Variants in ITPR3 observed in about 807,000 individuals in gnomAD.
The protein encoded by ITPR3 is inositol 1,4,5-trisphosphate-gated calcium channel ITPR3.
In ITPR3, 173 loss-of-function variants were observed where a neutral mutation model predicts 293.2. The ratio of observed to expected loss-of-function variants is 0.59; its 90% CI spans 0.52 to 0.67. ITPR3 has a LOEUF of 0.67. Among genes scored for constraint, ITPR3 ranks in the 30% least tolerant of loss-of-function variants. ITPR3 has a pLI of 0.00. For missense variants in ITPR3, 2,796 were observed against 3,592.1 expected (o/e 0.78, Z 5.66); for synonymous variants, 1,295 against 1,444.4 (o/e 0.90, Z 2.35).
At position 33,672,041 on chromosome 6, in the gene ITPR3, G is replaced by C. The variant is rs751348664; in HGVS notation, c.2741G>C (p.Arg914Pro). Reference sequence around the variant, plus strand: ...TCCCCCTCCACAGGCAAGAATGTGCGGCGGTCCATCCAGGGCGTGGGGCAC... The same window carrying C: ...TCCCCCTCCACAGGCAAGAATGTGCCGCGGTCCATCCAGGGCGTGGGGCAC... ...AYEDPGGKNV[R>P]RSIQGVGHMM... Residue 914 changes from arginine (R) to proline (P), a missense_variant, in exon 22 of 58, where the codon CGG (arginine) becomes CCG (proline). By Grantham distance (103) the Arg-to-Pro change is moderately radical. Coordinates refer to ENST00000605930, the MANE Select transcript of ITPR3 (RefSeq NM_002224.4). The surrounding 1 kb of genome is among the most constrained non-coding windows in gnomAD (Gnocchi z 5.0). 5.6e-6 allele frequency: 9 copies of C among 1,604,488 alleles called. No homozygotes were observed. In the South Asian group the frequency reaches 1.0e-4, roughly 18 times the overall value.
At position 33,688,812 on chromosome 6, in the gene ITPR3, C is replaced by T. The variant is rs772096646; in HGVS notation, c.6694+31C>T. 5 of 1,613,768 alleles carry T rather than the reference C, an allele frequency of 3.1e-6. No homozygotes were observed. In the Admixed American group the frequency reaches 6.7e-5, roughly 22 times the overall value. ...AACACAGGGCTGGCCGGCAGGTTCC[C>T]CGGGCCCTGCCATGCTTCCTCCCTG... On this transcript the variant is annotated intron_variant, in intron 49 of 57. Coordinates refer to ENST00000605930, the MANE Select transcript of ITPR3 (RefSeq NM_002224.4).
At chr6:33,668,441 G>A in intron 16 of ITPR3, 74 bp from the exon 17 acceptor site, 1 of 1,593,956 alleles carries the variant, frequency 6.3e-7, no homozygotes. Context: ...CTGGGGAAGG[G>A]GAAGGGTGGG....
At chr6:33,646,565 G>C (rs752048434) in intron 2 of ITPR3, among the ~76,000 whole-genome samples, 6 of 151,874 alleles carry the variant, frequency 4.0e-5, no homozygotes, top group Non-Finnish European at 7.4e-5. Flanking sequence ...GACCCTTCTG[G>C]AGATCTTTCT....
At chr6:33,671,143 C>T in intron 20 of ITPR3, 22 bp from the exon 21 acceptor site, 1 of 1,612,670 alleles carries the variant, frequency 6.2e-7, no homozygotes. Flanking sequence ...CCCACCTCAC[C>T]TCGGCCACGC....
At chr6:33,629,482 CTTTTT>C (rs571746597) in intron 1 of ITPR3, among the ~76,000 whole-genome samples, 1 of 138,700 alleles carries the variant, frequency 7.2e-6, no homozygotes, top group Non-Finnish European at 1.6e-5. Flanking sequence ...CCATTGGTTT[CTTTTT>C]TTTTTTTTTT....
At chr6:33,694,811 G>A (rs1168458232) in intron 56 of ITPR3, 113 bp from the exon 57 acceptor site, 31 of 1,321,596 alleles carry the variant, frequency 2.3e-5, no homozygotes, top group South Asian at 1.5e-4. Context: ...CATCCCTGAC[G>A]AGTAGTTTTG....
chr6:33,658,750 G>C lies in ITPR3; in HGVS notation c.450G>C (p.Val150=). The C allele has an allele frequency of 6.2e-7, 1 of 1,614,202 alleles. No homozygotes were observed. The highest frequency in any genetic ancestry group is 1.3e-5 in the African/African-American group (1 of 75,062). Residue 150 remains valine, a synonymous_variant, in exon 5 of 58, where the codon GTG becomes GTC. Transcript: ENST00000605930. This position sits in a 1 kb window ranked among gnomAD's most constrained non-coding sequence, Gnocchi z 6.1. ...PALLEKNAMR[V]TLDATGNEGS... The stretch of plus-strand genomic sequence containing the variant: ...TGCTGGAGAAGAACGCCATGCGGGT[G>C]ACTCTGGATGCCACAGGCAACGAGG...
At chr6:33,685,254 C>A in intron 39 of ITPR3, 105 bp from the exon 40 acceptor site, 2 of 1,164,014 alleles carry the variant, frequency 1.7e-6, no homozygotes, top group East Asian at 2.4e-5. Flanking sequence ...GCAGCCAGGC[C>A]CCTGCAGCCC....
At position 33,686,040 on chromosome 6, in the gene ITPR3, C is replaced by G. The variant is rs964972356; in HGVS notation, c.5668-13C>G. ...TGTAGCTGTGCTGTGCCCAACCCTT[C>G]TGTGCCCCGCAGAACTTCCTGCGCT... On this transcript the variant is annotated splice_polypyrimidine_tract_variant and intron_variant, in intron 41 of 57. Coordinates refer to ENST00000605930, the MANE Select transcript of ITPR3 (RefSeq NM_002224.4). 1.2e-5 allele frequency: 19 copies of G among 1,613,760 alleles called. No individual in the cohort carries two copies. The highest frequency in any genetic ancestry group is 1.5e-5 in the Non-Finnish European group (18 of 1,179,956).
In ITPR3 at chr6:33,691,028, C is replaced by T; in HGVS notation, c.7144C>T (p.Leu2382Phe). Residue 2382 changes from leucine to phenylalanine, a missense_variant, in exon 52 of 58, where the codon CTC becomes TTC. By Grantham distance (22) the Leu-to-Phe change is conservative (BLOSUM62 0). This residue lies in a region of ITPR3 where 568 missense variants were observed against 796.1 expected (regional missense o/e 0.71). Coordinates refer to ENST00000605930, the MANE Select transcript of ITPR3 (RefSeq NM_002224.4). The surrounding 1 kb of genome is among the most constrained non-coding windows in gnomAD (Gnocchi z 4.9). ...TALLALILVYLFSIVGFLFLK... is the reference protein window; with the variant it reads ...TALLALILVYFFSIVGFLFLK... ...CCTGCTGGCCCTCATCCTGGTCTAC[C>T]TCTTCTCCATCGTCGGCTTCCTCTT... is the stretch of plus-strand genomic sequence containing the variant. 1 of 1,614,210 alleles carries T rather than the reference C, an allele frequency of 6.2e-7. No homozygotes were observed. The highest frequency in any genetic ancestry group is 8.5e-7 in the Non-Finnish European group (1 of 1,180,030).
rs1765160112 is a variant in ITPR3, at chr6:33,684,189, T to C, written c.4937+21T>C. ...TCCAAGTGAGCGAGACACTGGGGCA[T>C]GGGGGCAGCAGGGGTGCAGCGGCAG... On this transcript the variant is annotated intron_variant, in intron 36 of 57. Transcript: ENST00000605930. This position sits in a 1 kb window ranked among gnomAD's most constrained non-coding sequence, Gnocchi z 4.2. 2 of 1,607,270 alleles carry C rather than the reference T, an allele frequency of 1.2e-6. No homozygotes were observed. Among genetic ancestry groups the C allele is most frequent in the Non-Finnish European group, 1.7e-6 (2 of 1,178,596 alleles).
At chr6:33,644,338 G>A (rs908301127) in intron 2 of ITPR3, among the ~76,000 whole-genome samples, 5 of 150,828 alleles carry the variant, frequency 3.3e-5, no homozygotes, top group Admixed American at 6.6e-5. Context: ...GTCCAGGCTG[G>A]TCTGGAACTC....
chr6:33,664,759 G>T lies in ITPR3; in HGVS notation c.1149-111G>T. The T allele has an allele frequency of 1.2e-6, 1 of 845,956 alleles. No individual in the cohort carries two copies. Among genetic ancestry groups the T allele is most frequent in the South Asian group, 1.5e-5 (1 of 65,092 alleles). 52.4% of individuals were successfully genotyped at this position (845,956 alleles called of 1,614,324 possible). ...GTGGCTCCTGTCCCACAGCTGTTGA[G>T]GGTGTGGAGTAGGGTGGCAGCTGTG... is the stretch of plus-strand genomic sequence containing the variant. On this transcript the variant is annotated intron_variant, in intron 11 of 57. Coordinates refer to ENST00000605930, the MANE Select transcript of ITPR3 (RefSeq NM_002224.4). This position sits in a 1 kb window ranked among gnomAD's most constrained non-coding sequence, Gnocchi z 4.4.
intron 21 of ITPR3, 58 bp downstream of exon 21, chr6:33,671,364 G>A: frequency 7.6e-7 from 1 of 1,315,176 alleles, no homozygotes; most frequent in Non-Finnish European, 1.1e-6. Context: ...TCCTAGCACA[G>A]GAAGTTCCCT....
In ITPR3 at chr6:33,684,790, G is replaced by C; in HGVS notation, c.5154G>C (p.Trp1718Cys). The C allele has an allele frequency of 6.2e-7, 1 of 1,612,392 alleles. No individual in the cohort carries two copies. The highest frequency in any genetic ancestry group is 8.5e-7 in the Non-Finnish European group (1 of 1,178,972). Residue 1718 changes from tryptophan to cysteine, a missense_variant, in exon 39 of 58, where the codon TGG becomes TGC. By Grantham distance (215) the Trp-to-Cys change is radical. Transcript: ENST00000605930. This position sits in a 1 kb window ranked among gnomAD's most constrained non-coding sequence, Gnocchi z 4.2. ...CGCCTCCAGGCCTGGACCCAGACTG[G>C]TCGGCAATCGCAGCCACCCAGTGCC... is the stretch of plus-strand genomic sequence containing the variant. ...DPIGTGLDPDWSAIAATQCRL... is the reference protein window; with the variant it reads ...DPIGTGLDPDCSAIAATQCRL...
Position 33,657,959 on chromosome 6 carries a change from A to C in ITPR3, c.310A>C (p.Asn104His). The change falls in exon 4 of 58, where the codon AAT becomes CAT. Residue 104 changes from asparagine (N) to histidine (H), a missense_variant. By Grantham distance (68) the Asn-to-His change is moderately conservative. Around this residue, in one of 8 missense-constraint regions of ITPR3, gnomAD observed 144 missense variants for 230.8 expected, o/e 0.62. Coordinates refer to ENST00000605930, the MANE Select transcript of ITPR3 (RefSeq NM_002224.4). ...TGCGGCGCAGATGGAGCAGAAGCAA[A>C]ATGACACGGAGAACAAGAAGGTGCA... ...QHAAQMEQKQ[N>H]DTENKKVHGD... The C allele has an allele frequency of 6.2e-7, 1 of 1,613,746 alleles. No individual in the cohort carries two copies. Among genetic ancestry groups the C allele is most frequent in the Non-Finnish European group, 8.5e-7 (1 of 1,179,856 alleles).
At position 33,658,095 on chromosome 6, in the gene ITPR3, C is replaced by T. The variant is rs531922810; in HGVS notation, c.369+77C>T. 7 of 1,284,810 alleles carry T rather than the reference C, an allele frequency of 5.4e-6. No individual in the cohort carries two copies. Among genetic ancestry groups the T allele is most frequent in the African/African-American group, 4.4e-5 (3 of 68,044 alleles). The allele number at this position is 1,284,810 out of a possible 1,614,324, so 79.6% of individuals were successfully genotyped here. A position where few individuals can be genotyped will look rare whatever the true frequency, so the allele number is the denominator to read the frequency against. On this transcript the variant is annotated intron_variant, in intron 4 of 57. Coordinates refer to ENST00000605930, the MANE Select transcript of ITPR3 (RefSeq NM_002224.4). The surrounding 1 kb of genome is among the most constrained non-coding windows in gnomAD (Gnocchi z 6.1). ...TGGGCTGGTGCTGGGTGAGGGCTGC[C>T]AGCAGGCATTGCCCTCTGTGCATGT...
In ITPR3 at chr6:33,669,130, C is replaced by CCCCAT. The variant is rs1764691798; in HGVS notation, c.2163_2164insCCCAT (p.Asp722ProfsTer14). ...AGGAGGCGCGGGCCGGCAACGCCCA[C>CCCCAT]GACGAGAATGTGCTCAGCTACTACA... On this transcript the variant is annotated frameshift_variant, in exon 18 of 58. Coordinates refer to ENST00000605930, the MANE Select transcript of ITPR3 (RefSeq NM_002224.4). LOFTEE classifies it high-confidence loss of function. 6.2e-7 allele frequency: 1 copy of CCCCAT among 1,613,648 alleles called. No individual in the cohort carries two copies.
chr6:33,660,006 G>A (rs1384300109), intron 7 of ITPR3, among the ~76,000 whole-genome samples: 4 of 152,218 alleles, frequency 2.6e-5, no homozygotes, highest in Non-Finnish European at 4.4e-5. Context: ...AGACATGCTG[G>A]TGTGGGCTCT....
Sources: gnomAD v4.1 joint callset for allele counts (sites outside exome capture counted in the v4.1 genomes callset) on GRCh38, gnomAD v4.1.1 for gene constraint, gnomAD v4.1.1 regional missense constraint, Gnocchi (gnomAD v3.1) non-coding constraint, MANE v1.5 for transcripts, NCBI Gene and HGNC (gene_info 2026-07-23, HGNC 2026-07-21) for gene names.